Variants in ADAM12 observed in about 807,000 individuals in gnomAD.
ADAM12 encodes ADAM metallopeptidase domain 12.
In ADAM12, 70 loss-of-function variants were observed where a neutral mutation model predicts 106.4. The ratio of observed to expected loss-of-function variants is 0.66; its 90% CI spans 0.54 to 0.80. The LOEUF is 0.80. Among genes scored for constraint, ADAM12 ranks in the 30% least tolerant of loss-of-function variants. The pLI is 0.00. For synonymous variants in ADAM12, 420 were observed against 433.5 expected, an observed-to-expected ratio of 0.97 and a Z score of 0.39; for missense variants, 1,010 against 1,171.9, an observed-to-expected ratio of 0.86 and a Z score of 2.02.
intron 4 of ADAM12, among the ~76,000 whole-genome samples, chr10:126,143,365 G>A (rs114971591): frequency 7.0e-4 from 102 of 144,808 alleles, no homozygotes; most frequent in African/African-American, 2.5e-3. Flanking sequence ...ATATATACAT[G>A]TGTATATGCT....
chr10:126,280,958 G>T (rs1374490012), intron 2 of ADAM12, among the ~76,000 whole-genome samples: 1 of 152,106 alleles, frequency 6.6e-6, no homozygotes, highest in Non-Finnish European at 1.5e-5. Flanking sequence ...TACATGCCAA[G>T]AAACATGCAC....
At chr10:126,206,333 G>A (rs981225525) in intron 3 of ADAM12, among the ~76,000 whole-genome samples, 8 of 152,130 alleles carry the variant, frequency 5.3e-5, no homozygotes, top group East Asian at 1.9e-4. Context: ...ATCCCAAAAC[G>A]ATAGACGATT....
intron 10 of ADAM12, among the ~76,000 whole-genome samples, chr10:126,096,403 GTTA>G (rs1955559575): frequency 6.6e-6 from 1 of 152,214 alleles, no homozygotes; most frequent in African/African-American, 2.4e-5. Flanking sequence ...CTTTATTCAT[GTTA>G]TTAATATTAT....
chr10:126,077,816 T>C (rs533618449), intron 11 of ADAM12, among the ~76,000 whole-genome samples: 8 of 152,272 alleles, frequency 5.3e-5, no homozygotes, highest in Non-Finnish European at 1.0e-4. Flanking sequence ...CACCTTTTTA[T>C]TTTTTTAAAG....
intron 3 of ADAM12, among the ~76,000 whole-genome samples, chr10:126,211,048 GGTGTA>G (rs1957892211): frequency 6.6e-6 from 1 of 152,158 alleles, no homozygotes; most frequent in African/African-American, 2.4e-5. Context: ...CTTACACTGT[GGTGTA>G]AGGAGCTGCC....
chr10:126,341,609 T>C (rs1335591028), intron 1 of ADAM12, among the ~76,000 whole-genome samples: 8 of 152,232 alleles, frequency 5.3e-5, no homozygotes, highest in Admixed American at 5.2e-4. Context: ...AAACATTTTG[T>C]TCATTATCTA....
intron 5 of ADAM12, among the ~76,000 whole-genome samples, chr10:126,123,773 C>G (rs1476555266): frequency 2.0e-5 from 3 of 151,910 alleles, no homozygotes; most frequent in Non-Finnish European, 2.9e-5. Flanking sequence ...AGAGAGGGGC[C>G]CAGAACCAGC....
chr10:126,113,281 T>C (rs1336538217), intron 6 of ADAM12, among the ~76,000 whole-genome samples: 1 of 151,940 alleles, frequency 6.6e-6, no homozygotes, highest in Non-Finnish European at 1.5e-5. Context: ...AGGTGGAAGA[T>C]GGGGACAGGA....
intron 3 of ADAM12, among the ~76,000 whole-genome samples, chr10:126,242,040 T>C (rs1486894305): frequency 6.6e-6 from 1 of 152,030 alleles, no homozygotes; most frequent in African/African-American, 2.4e-5. Flanking sequence ...TTTCCCCCCA[T>C]TATATGAATC....
intron 3 of ADAM12, among the ~76,000 whole-genome samples, chr10:126,274,719 G>A (rs1013320796): frequency 1.3e-5 from 2 of 152,148 alleles, no homozygotes; most frequent in Non-Finnish European, 2.9e-5. Context: ...AAGGCCACCG[G>A]CAGCAACCTC....
Position 126,364,564 on chromosome 10 carries a change from A to G in ADAM12, c.88+23494T>C, listed in dbSNP as rs577843540. 3.3e-5 allele frequency among the ~76,000 whole-genome samples: 5 copies of G among 152,282 alleles called. No individual in the cohort carries two copies. In the East Asian group the frequency reaches 9.7e-4, roughly 29 times the overall value. On this transcript the variant is annotated intron_variant, in intron 1 of 22. Coordinates refer to ENST00000448723, the MANE Select transcript of ADAM12 (RefSeq NM_001288973.2). ...ATCCCATTTATAATGACAAGGGAAG[A>G]AAAATAACTAGAAAAATAACACCTA...
chr10:126,038,565 C>T (rs1330182205), intron 19 of ADAM12, among the ~76,000 whole-genome samples: 4 of 152,308 alleles, frequency 2.6e-5, no homozygotes, highest in Non-Finnish European at 4.4e-5. Context: ...TTAGTTCTCA[C>T]GCTCCATAGA....
At chr10:126,299,296 A>G (rs944680406) in intron 2 of ADAM12, among the ~76,000 whole-genome samples, 1 of 152,252 alleles carries the variant, frequency 6.6e-6, no homozygotes. Flanking sequence ...TTCAGTCACT[A>G]GGGATTTAGC....
intron 18 of ADAM12, chr10:126,041,381 C>T (rs1000695528): frequency 2.0e-5 from 20 of 985,606 alleles, no homozygotes; most frequent in East Asian, 1.1e-4. Flanking sequence ...GTAATGGCCA[C>T]GGGGGATGGA....
At chr10:126,062,087 G>A (rs1954768808) in intron 14 of ADAM12, among the ~76,000 whole-genome samples, 1 of 152,134 alleles carries the variant, frequency 6.6e-6, no homozygotes, top group Non-Finnish European at 1.5e-5. Flanking sequence ...ATAATGATCT[G>A]AAGAACTGAG....
intron 1 of ADAM12, among the ~76,000 whole-genome samples, chr10:126,332,110 G>A (rs1418112453): frequency 6.6e-6 from 1 of 152,190 alleles, no homozygotes; most frequent in Non-Finnish European, 1.5e-5. Flanking sequence ...CAGCTGCGGG[G>A]CCACGGGCCA....
chr10:126,185,627 G>A (rs1957387361), intron 3 of ADAM12, among the ~76,000 whole-genome samples: 1 of 151,992 alleles, frequency 6.6e-6, no homozygotes, highest in African/African-American at 2.4e-5. Flanking sequence ...ACAAGCAACA[G>A]TGCATTTGGG....
At chr10:126,364,105 T>C (rs981383156) in intron 1 of ADAM12, among the ~76,000 whole-genome samples, 4 of 152,096 alleles carry the variant, frequency 2.6e-5, no homozygotes, top group Non-Finnish European at 4.4e-5. Context: ...TCTGTACATG[T>C]CTAAAAAAAG....
chr10:126,365,736 C>T (rs1370742239), intron 1 of ADAM12, among the ~76,000 whole-genome samples: 1 of 152,178 alleles, frequency 6.6e-6, no homozygotes, highest in Non-Finnish European at 1.5e-5. Context: ...TACCTCCCAC[C>T]AGATCCCTCC....
Sources: gnomAD v4.1 joint callset for allele counts (sites outside exome capture counted in the v4.1 genomes callset) on GRCh38, gnomAD v4.1.1 for gene constraint, MANE v1.5 for transcripts, NCBI Gene and HGNC (gene_info 2026-07-23, HGNC 2026-07-21) for gene names.